THBS4: variants seen among roughly 807,000 people sequenced by gnomAD.
THBS4 encodes thrombospondin 4.
In THBS4, 90 loss-of-function variants were observed where a neutral mutation model predicts 115.7. That is an observed-to-expected ratio of 0.78 (90% CI 0.66 to 0.93). The LOEUF is 0.93. Among genes scored for constraint, THBS4 ranks in the 40% least tolerant of loss-of-function variants. The probability of loss-of-function intolerance (pLI) is 0.00; values close to 1 mark genes in which losing one functional copy is unlikely to be tolerated. For synonymous variants in THBS4, 460 were observed against 479.3 expected, an observed-to-expected ratio of 0.96 and a Z score of 0.53; for missense variants, 1,087 against 1,232.7, an observed-to-expected ratio of 0.88 and a Z score of 1.77.
At chr5:80,042,927 C>T (rs1476513347) in intron 2 of THBS4, among the ~76,000 whole-genome samples, 3 of 152,010 alleles carry the variant, frequency 2.0e-5, no homozygotes, top group Non-Finnish European at 4.4e-5. Flanking sequence ...GATTGTGCCG[C>T]TGCACTCCAC....
chr5:80,026,687 T>G (rs1217509007), intron 2 of THBS4, among the ~76,000 whole-genome samples: 1 of 152,250 alleles, frequency 6.6e-6, no homozygotes, highest in Non-Finnish European at 1.5e-5. Flanking sequence ...TCCAATCATT[T>G]AAAACTATAA....
At chr5:80,075,582 C>G (rs189260363) in intron 15 of THBS4, among the ~76,000 whole-genome samples, 1 of 152,316 alleles carries the variant, frequency 6.6e-6, no homozygotes, top group East Asian at 1.9e-4. Flanking sequence ...GGTCATCTTG[C>G]ACTCTGACTA....
In THBS4 at chr5:80,035,493, A is replaced by G; in HGVS notation, c.-45A>G. ...GCCCGGGGACCCCCAGGCGGGGCCA[A>G]CGCCGCCGTCGCCCCCGGCCTCGCG... On this transcript the variant is annotated 5_prime_UTR_variant, in exon 1 of 22. Coordinates refer to ENST00000350881, the MANE Select transcript of THBS4 (RefSeq NM_003248.6). The surrounding 1 kb of genome is among the most constrained non-coding windows in gnomAD (Gnocchi z 4.6). The G allele has an allele frequency of 1.6e-6, 2 of 1,280,172 alleles. No individual in the cohort carries two copies. Among genetic ancestry groups the G allele is most frequent in the East Asian group, 3.1e-5 (1 of 31,814 alleles). The allele number at this position is 1,280,172 out of a possible 1,614,324, so 79.3% of individuals were successfully genotyped here.
chr5:80,002,273 A>C (rs1282154175), intron 2 of THBS4, among the ~76,000 whole-genome samples: 2 of 152,154 alleles, frequency 1.3e-5, no homozygotes, highest in African/African-American at 4.8e-5. Context: ...CTGAGGCCAC[A>C]CTACCTCAAG....
intron 2 of THBS4, among the ~76,000 whole-genome samples, chr5:80,008,688 C>G (rs1188781543): frequency 6.6e-6 from 1 of 152,120 alleles, no homozygotes; most frequent in African/African-American, 2.4e-5. Context: ...GCAGTTAATT[C>G]TTTGTTGTGA....
intron 7 of THBS4, among the ~76,000 whole-genome samples, chr5:80,061,297 G>A (rs1306097472): frequency 6.6e-6 from 1 of 152,168 alleles, no homozygotes; most frequent in African/African-American, 2.4e-5. Context: ...CCTTCTCGAG[G>A]TCTTTCTGAT....
chr5:80,047,509 A>G (rs756536540), intron 2 of THBS4, among the ~76,000 whole-genome samples: 26 of 152,158 alleles, frequency 1.7e-4, no homozygotes, highest in Non-Finnish European at 3.1e-4. Context: ...AAATTGCCTT[A>G]CAATATTTGA....
At chr5:79,993,958 A>T (rs1561286629) in intron 1 of THBS4, among the ~76,000 whole-genome samples, 1 of 152,226 alleles carries the variant, frequency 6.6e-6, no homozygotes, top group Non-Finnish European at 1.5e-5. Flanking sequence ...ACTGAATAGA[A>T]AAAAGGAGAG....
rs185238875 is a variant in THBS4 at position 80,022,348 on chromosome 5, A to G, written n.178-17729A>G. ...CATTCAGGGTATGTCATCACATTACACTACTAGAAACAATGCAACAGCATT... is the reference window on the plus strand; with the variant it reads ...CATTCAGGGTATGTCATCACATTACGCTACTAGAAACAATGCAACAGCATT... On this transcript the variant is annotated intron_variant and non_coding_transcript_variant, in intron 2 of 3. Coordinates refer to the THBS4 transcript ENST00000510218. Among the ~76,000 whole-genome samples, 4 of 152,332 alleles carry G rather than the reference A, an allele frequency of 2.6e-5. No individual in the cohort carries two copies. The East Asian group carries it at 7.7e-4, about 29-fold the overall frequency.
intron 1 of THBS4, chr5:80,036,037 CCA>C: frequency 6.0e-6 from 6 of 996,372 alleles, no homozygotes; most frequent in Non-Finnish European, 7.2e-6. Context: ...CGATGTATGC[CCA>C]GAGTCTGCTC....
At chr5:80,023,125 A>T (rs1454407258) in intron 2 of THBS4, among the ~76,000 whole-genome samples, 1 of 152,122 alleles carries the variant, frequency 6.6e-6, no homozygotes, top group Non-Finnish European at 1.5e-5. Flanking sequence ...TCACATGAAA[A>T]CCCAGTCCCT....
intron 2 of THBS4, among the ~76,000 whole-genome samples, chr5:80,025,593 T>C (rs1297064368): frequency 6.6e-6 from 1 of 152,038 alleles, no homozygotes. Context: ...CAGGGGAACA[T>C]CAAGGAAAGA....
intron 2 of THBS4, among the ~76,000 whole-genome samples, chr5:80,022,246 G>C (rs1293925479): frequency 6.6e-6 from 1 of 152,104 alleles, no homozygotes; most frequent in Non-Finnish European, 1.5e-5. Context: ...TACGTTTCTT[G>C]CTTTCTTGCC....
chr5:80,061,863 C>G, intron 8 of THBS4, 31 bp downstream of exon 8: 2 of 1,578,308 alleles, frequency 1.3e-6, no homozygotes, highest in Admixed American at 3.7e-5. Context: ...CTATTCATTT[C>G]TCATCTTAAC....
intron 2 of THBS4, among the ~76,000 whole-genome samples, chr5:80,047,232 G>A (rs1054518363): frequency 6.6e-6 from 1 of 152,148 alleles, no homozygotes; most frequent in Non-Finnish European, 1.5e-5. Context: ...GGTTAAAGAA[G>A]CTAAGAGTCC....
chr5:80,070,585 C>CAGTT, intron 11 of THBS4, 58 bp from the exon 12 acceptor site: 1 of 1,534,504 alleles, frequency 6.5e-7, no homozygotes, highest in East Asian at 2.2e-5. Context: ...AGGTCAGAAA[C>CAGTT]AGTTACTGGC....
chr5:80,050,372 C>G (rs1833216015), intron 2 of THBS4, among the ~76,000 whole-genome samples: 2 of 152,004 alleles, frequency 1.3e-5, no homozygotes, highest in African/African-American at 4.8e-5. Flanking sequence ...GCTGATTGGT[C>G]AGGCTGGAAA....
chr5:80,059,355 T>A, intron 5 of THBS4, 85 bp from the exon 6 acceptor site: 92 of 1,239,438 alleles, frequency 7.4e-5, no homozygotes, highest in Middle Eastern at 2.0e-4. Flanking sequence ...AAGTGTTACA[T>A]AGATAGCTCC....
chr5:80,004,965 T>C lies in THBS4; in HGVS notation n.177+6538T>C, dbSNP rs753502907. ...GTTACCCAGGCTGGTCTCAAACTTT[T>C]GACTTCAGGTGATCCACCCTCCTTG... On this transcript the variant is annotated intron_variant and non_coding_transcript_variant, in intron 2 of 3. Transcript: ENST00000510218. Among the ~76,000 whole-genome samples the C allele has an allele frequency of 2.6e-5, 4 of 152,232 alleles. No individual in the cohort carries two copies. The East Asian group carries it at 7.7e-4, about 29-fold the overall frequency.
Sources: gnomAD v4.1 joint callset for allele counts (sites outside exome capture counted in the v4.1 genomes callset) on GRCh38, gnomAD v4.1.1 for gene constraint, Gnocchi (gnomAD v3.1) non-coding constraint, MANE v1.5 for transcripts, NCBI Gene and HGNC (gene_info 2026-07-23, HGNC 2026-07-21) for gene names.